Variants in SLC9A3 observed in about 807,000 individuals in gnomAD.
SLC9A3 encodes solute carrier family 9 member A3.
In SLC9A3, 37 loss-of-function variants were observed where a neutral mutation model predicts 86.8. The observed-to-expected ratio is 0.43, with a 90% CI of 0.33 to 0.56. SLC9A3 has a LOEUF of 0.56. Among genes scored for constraint, SLC9A3 ranks in the 20% least tolerant of loss-of-function variants. SLC9A3 has a pLI of 0.06. For synonymous variants in SLC9A3, 581 were observed against 528.3 expected (o/e 1.10, Z -1.37); for missense variants, 1,011 against 1,171.9 (o/e 0.86, Z 2.00).
At chr5:523,604 TAA>T (rs1280162903) in intron 1 of SLC9A3, among the ~76,000 whole-genome samples, 20 of 108,166 alleles carry the variant, frequency 1.8e-4, no homozygotes, top group Non-Finnish European at 1.4e-4. Flanking sequence ...CGGGATTTTC[TAA>T]AAAAAAAAAA....
intron 1 of SLC9A3, among the ~76,000 whole-genome samples, chr5:502,479 G>A (rs11738544): frequency 0.35 from 52,855 of 152,164 alleles, 9,632 homozygotes; most frequent in Non-Finnish European, 0.41. Flanking sequence ...CCGCAGCGGA[G>A]CACAGTCCCC....
chr5:494,969 A>T (rs1739954239), intron 1 of SLC9A3, among the ~76,000 whole-genome samples: 1 of 151,484 alleles, frequency 6.6e-6, no homozygotes, highest in Non-Finnish European at 1.5e-5. Context: ...GACCTGGGAG[A>T]TGGTATTTGT....
At chr5:501,798 G>A (rs1740289847) in intron 1 of SLC9A3, among the ~76,000 whole-genome samples, 1 of 152,250 alleles carries the variant, frequency 6.6e-6, no homozygotes, top group Non-Finnish European at 1.5e-5. Flanking sequence ...GGTGCTCACG[G>A]AGGTCCGCCG....
intron 4 of SLC9A3, 34 bp downstream of exon 4, chr5:485,119 G>A (rs368529136): frequency 8.8e-5 from 134 of 1,531,206 alleles, no homozygotes; most frequent in Middle Eastern, 1.7e-4. Context: ...GAGGAGACAC[G>A]GCCGCCCACT....
chr5:473,308 C>T lies in SLC9A3; in HGVS notation c.*71G>A, dbSNP rs1255534769. On this transcript the variant is annotated 3_prime_UTR_variant, in exon 17 of 17. Transcript: ENST00000264938. ...GCGGGGATCTGGGGTTTCTCTGGGA[C>T]AGCGGCGGCGGCGGTGGGCGGACCG... 1 of 1,368,942 alleles carries T rather than the reference C, an allele frequency of 7.3e-7. No individual in the cohort carries two copies. The highest frequency in any genetic ancestry group is 9.5e-7 in the Non-Finnish European group (1 of 1,057,054). The allele number at this position is 1,368,942 out of a possible 1,614,324, so 84.8% of individuals were successfully genotyped here.
At chr5:489,364 C>A (rs1739620523) in intron 2 of SLC9A3, among the ~76,000 whole-genome samples, 1 of 152,194 alleles carries the variant, frequency 6.6e-6, no homozygotes, top group Non-Finnish European at 1.5e-5. Flanking sequence ...ACAGCTGCTG[C>A]CTCTCTGCTG....
In SLC9A3 at chr5:476,000, C is replaced by G; in HGVS notation, c.2140+20G>C. ...GTGGTGGCTCCCAGTCCCAGCGTTC[C>G]TGCAGGGCCCCCAGCGCACCTTTCT... On this transcript the variant is annotated intron_variant, in intron 14 of 16. Coordinates refer to ENST00000264938, the MANE Select transcript of SLC9A3 (RefSeq NM_004174.4). 4 of 1,594,720 alleles carry G rather than the reference C, an allele frequency of 2.5e-6. No individual in the cohort carries two copies. Among genetic ancestry groups the G allele is most frequent in the Non-Finnish European group, 3.4e-6 (4 of 1,169,592 alleles).
chr5:480,180 T>C, intron 9 of SLC9A3: 1 of 518,330 alleles, frequency 1.9e-6, no homozygotes, highest in South Asian at 2.1e-5. Flanking sequence ...CATATGAAAC[T>C]GCATGCCGCC....
rs41282627 is a variant in SLC9A3 at position 477,393 on chromosome 5, C to T, written c.1699G>A (p.Val567Met). Residue 567 changes from valine (V) to methionine (M), a missense_variant, in exon 11 of 17, where the codon GTG (valine) becomes ATG (methionine). By Grantham distance (21) the Val-to-Met change is conservative (BLOSUM62 1). Transcript: ENST00000264938. ...AFIRSPSTDN[V>M]VNVDFTPRSS... ...CGTGGCGTGAAGTCCACGTTGACCA[C>T]GTTGTCGGTGCTGGGGGAGCGGATG... The T allele has an allele frequency of 6.7e-3, 10,867 of 1,613,168 alleles. 68 individuals are homozygous for T. The highest frequency in any genetic ancestry group is 0.019 in the African/African-American group (1,448 of 75,038).
intron 1 of SLC9A3, among the ~76,000 whole-genome samples, chr5:501,531 C>T (rs1457709018): frequency 6.6e-6 from 1 of 152,168 alleles, no homozygotes; most frequent in Admixed American, 6.5e-5. Context: ...CAGGCGCAGA[C>T]ACATGCAGGA....
chr5:490,185 A>G (rs1739663347), intron 2 of SLC9A3, among the ~76,000 whole-genome samples: 1 of 73,930 alleles, frequency 1.4e-5, no homozygotes, highest in South Asian at 3.5e-4. Flanking sequence ...CTGGGCCCCA[A>G]GGCTGAGCGC....
At position 483,289 on chromosome 5, in the gene SLC9A3, C is replaced by T; in HGVS notation, c.1126G>A (p.Val376Ile). Residue 376 changes from valine (V) to isoleucine (I), a missense_variant, in exon 6 of 17, where the codon GTC becomes ATC. Coordinates refer to ENST00000264938, the MANE Select transcript of SLC9A3 (RefSeq NM_004174.4). The stretch of plus-strand genomic sequence containing the variant: ...ATGGCCCGGTACACGGAGATGAAGA[C>T]CAGCGTCAGGAGCACGAAGGCCGTG... ...WNTAFVLLTL[V>I]FISVYRAIGV... The T allele has an allele frequency of 1.3e-6, 2 of 1,553,060 alleles. No homozygotes were observed. Among genetic ancestry groups the T allele is most frequent in the Non-Finnish European group, 1.7e-6 (2 of 1,147,324 alleles).
chr5:470,932 C>T lies in SLC9A3; in HGVS notation c.*2447G>A, dbSNP rs1738319260. The T allele has an allele frequency of 6.6e-6, 1 of 152,282 alleles. No individual in the cohort carries two copies. 9.4% of individuals were successfully genotyped at this position (152,282 alleles called of 1,614,324 possible). On this transcript the variant is annotated 3_prime_UTR_variant, in exon 17 of 17. Coordinates refer to ENST00000264938, the MANE Select transcript of SLC9A3 (RefSeq NM_004174.4). The stretch of plus-strand genomic sequence containing the variant: ...GAAATACATTCATAAGACTGTTTAC[C>T]TTCTGTTTGACAGCAGTGACAGGAA...
At chr5:509,995 G>T (rs1740807237) in intron 1 of SLC9A3, among the ~76,000 whole-genome samples, 1 of 152,238 alleles carries the variant, frequency 6.6e-6, no homozygotes, top group South Asian at 2.1e-4. Context: ...GCAAGGATGG[G>T]GGAGGCTTCG....
At chr5:486,672 G>A (rs548941409) in intron 3 of SLC9A3, among the ~76,000 whole-genome samples, 20 of 152,274 alleles carry the variant, frequency 1.3e-4, no homozygotes, top group African/African-American at 2.4e-4. Context: ...CTGGGCATGT[G>A]AGCGTGAAAA....
At chr5:510,024 C>A (rs956553651) in intron 1 of SLC9A3, among the ~76,000 whole-genome samples, 10 of 152,192 alleles carry the variant, frequency 6.6e-5, no homozygotes, top group Non-Finnish European at 2.9e-5. Flanking sequence ...GGGGCTCCAA[C>A]GATGTGGAGG....
intron 5 of SLC9A3, among the ~76,000 whole-genome samples, chr5:484,054 C>T (rs1456737035): frequency 1.3e-5 from 2 of 152,196 alleles, no homozygotes; most frequent in Admixed American, 6.5e-5. Context: ...GCGGCTGGCA[C>T]CTCCCTCCGA....
At chr5:518,636 C>T (rs888508574) in intron 1 of SLC9A3, among the ~76,000 whole-genome samples, 1 of 152,216 alleles carries the variant, frequency 6.6e-6, no homozygotes, top group Non-Finnish European at 1.5e-5. Flanking sequence ...CAACTCTAAA[C>T]ATGCCCCAGT....
At chr5:474,175 A>AGG (rs1738567078) in intron 16 of SLC9A3, among the ~76,000 whole-genome samples, 1 of 119,946 alleles carries the variant, frequency 8.3e-6, no homozygotes, top group African/African-American at 3.6e-5. Context: ...AGCTGCGGAG[A>AGG]GGGGTTAGGC....
Sources: allele counts gnomAD v4.1 joint callset (sites outside exome capture counted in the v4.1 genomes callset), GRCh38; gene constraint gnomAD v4.1.1; transcripts MANE v1.5; gene names NCBI Gene and HGNC (gene_info 2026-07-23, HGNC 2026-07-21).